Variants in DPYD observed in about 807,000 individuals in gnomAD.
DPYD encodes the protein dihydropyrimidine dehydrogenase, also known as dihydropyrimidine dehydrogenase [NADP(+)].
DPYD carries 109 observed loss-of-function variants against 116.2 expected under a neutral mutation model. The ratio of observed to expected loss-of-function variants is 0.94; its 90% CI spans 0.80 to 1.10. The LOEUF is 1.10. DPYD is among the 50% of genes least tolerant of loss of function. The pLI is 0.00. For missense variants in DPYD, 1,302 were observed against 1,254.5 expected, an observed-to-expected ratio of 1.04 and a Z score of -0.57; for synonymous variants, 440 against 432.0, an observed-to-expected ratio of 1.02 and a Z score of -0.23.
intron 13 of DPYD, among the ~76,000 whole-genome samples, chr1:97,483,349 A>C (rs533721798): frequency 5.5e-4 from 84 of 152,180 alleles, no homozygotes; most frequent in Non-Finnish European, 1.1e-3. Flanking sequence ...GGCTCATGGA[A>C]GGTAAATGTA....
chr1:97,841,661 G>A (rs1024168264), intron 2 of DPYD, among the ~76,000 whole-genome samples: 5 of 151,864 alleles, frequency 3.3e-5, no homozygotes, highest in South Asian at 4.1e-4. Context: ...GAACCTGACA[G>A]GATCATAGAA....
At chr1:97,581,566 A>C (rs2102212038) in intron 10 of DPYD, among the ~76,000 whole-genome samples, 1 of 150,574 alleles carries the variant, frequency 6.6e-6, no homozygotes, top group Middle Eastern at 3.5e-3. Context: ...AAATAGAGAA[A>C]CCTCATCTCT....
intron 12 of DPYD, among the ~76,000 whole-genome samples, chr1:97,521,282 G>C (rs536711446): frequency 4.7e-4 from 72 of 152,182 alleles, no homozygotes; most frequent in African/African-American, 1.7e-3. Context: ...TTCAAACAGA[G>C]AGCCAAGTCA....
rs1055469270 is a variant in DPYD at position 97,897,937 on chromosome 1, T to C, written c.40-14563A>G. Among the ~76,000 whole-genome samples, 6 of 151,870 alleles carry C rather than the reference T, an allele frequency of 4.0e-5. No individual in the cohort carries two copies. In the South Asian group the frequency reaches 6.2e-4, roughly 16 times the overall value. ...TGTGAATTTTACCATATTGGGTACA[T>C]GATATTTTCGCATTCCTATAAATGT... On this transcript the variant is annotated intron_variant, in intron 1 of 22. Transcript: ENST00000370192.
chr1:97,866,644 G>A (rs1459629402), intron 2 of DPYD, among the ~76,000 whole-genome samples: 3 of 151,824 alleles, frequency 2.0e-5, no homozygotes, highest in Admixed American at 6.6e-5. Context: ...AGATAGAGAT[G>A]ATAATAAATT....
intron 13 of DPYD, among the ~76,000 whole-genome samples, chr1:97,478,611 T>C (rs1253864266): frequency 6.6e-6 from 1 of 152,214 alleles, no homozygotes; most frequent in Non-Finnish European, 1.5e-5. Context: ...TTAAGGGCCC[T>C]AGGACCTTCC....
intron 13 of DPYD, among the ~76,000 whole-genome samples, chr1:97,476,827 A>G (rs1677993955): frequency 1.3e-5 from 2 of 152,228 alleles, no homozygotes; most frequent in South Asian, 4.1e-4. Context: ...GAATATTGCA[A>G]TAAAGTGAAT....
chr1:97,131,385 A>G (rs938481985), intron 20 of DPYD, among the ~76,000 whole-genome samples: 1 of 152,178 alleles, frequency 6.6e-6, no homozygotes, highest in Non-Finnish European at 1.5e-5. Context: ...TCATGCATGT[A>G]ATAATACCCA....
intron 8 of DPYD, among the ~76,000 whole-genome samples, chr1:97,610,162 A>G (rs1244150297): frequency 6.6e-6 from 1 of 152,016 alleles, no homozygotes; most frequent in African/African-American, 2.4e-5. Flanking sequence ...ACAAATTTAA[A>G]CTATAACTGT....
chr1:97,433,956 A>G (rs898951381), intron 14 of DPYD, among the ~76,000 whole-genome samples: 3 of 152,020 alleles, frequency 2.0e-5, no homozygotes, highest in Non-Finnish European at 4.4e-5. Flanking sequence ...CCAGCCTTTA[A>G]TTGTGTTCAT....
chr1:97,492,823 C>A lies in DPYD; in HGVS notation c.1740+22903G>T, dbSNP rs545904538. Among the ~76,000 whole-genome samples, 15 of 152,010 alleles carry A rather than the reference C, an allele frequency of 9.9e-5. No homozygotes were observed. The South Asian group carries it at 3.1e-3, about 32-fold the overall frequency. On this transcript the variant is annotated intron_variant, in intron 13 of 22. Transcript: ENST00000370192. ...TGGGTATCAAATTACCTTTGAAACC[C>A]CCCACCCAGAAGTATCTCTAACAAA...
At chr1:97,418,625 A>C (rs1174215166) in intron 14 of DPYD, among the ~76,000 whole-genome samples, 1 of 152,170 alleles carries the variant, frequency 6.6e-6, no homozygotes, top group Non-Finnish European at 1.5e-5. Flanking sequence ...TATTAAAAGT[A>C]TCACACGTTT....
intron 13 of DPYD, among the ~76,000 whole-genome samples, chr1:97,493,307 C>G (rs139772516): frequency 3.2e-4 from 48 of 152,268 alleles, no homozygotes; most frequent in African/African-American, 1.1e-3. Context: ...CTCGTACTAA[C>G]GGTTTTCATA....
At chr1:97,370,143 T>C (rs1671243445) in intron 16 of DPYD, among the ~76,000 whole-genome samples, 1 of 152,154 alleles carries the variant, frequency 6.6e-6, no homozygotes, top group Non-Finnish European at 1.5e-5. Context: ...TACCCAGTAA[T>C]AGGATTGCTG....
chr1:97,457,879 A>C (rs1457342530), intron 13 of DPYD, among the ~76,000 whole-genome samples: 1 of 152,178 alleles, frequency 6.6e-6, no homozygotes, highest in Non-Finnish European at 1.5e-5. Context: ...GCAGCTGTGC[A>C]TTCACGGAGA....
chr1:97,589,499 G>A (rs72732346), intron 10 of DPYD, among the ~76,000 whole-genome samples: 2,819 of 152,162 alleles, frequency 0.019, 37 homozygotes, highest in Middle Eastern at 0.034. Context: ...CTCCATGATC[G>A]TTAAGTTTCC....
intron 2 of DPYD, among the ~76,000 whole-genome samples, chr1:97,873,030 CAACCT>C (rs1671735428): frequency 6.6e-6 from 1 of 151,738 alleles, no homozygotes; most frequent in Non-Finnish European, 1.5e-5. Flanking sequence ...TCAGGGAGGC[CAACCT>C]TGAATTCTGA....
intron 4 of DPYD, among the ~76,000 whole-genome samples, chr1:97,738,074 T>G (rs1194647915): frequency 1.3e-5 from 2 of 152,102 alleles, no homozygotes; most frequent in Non-Finnish European, 2.9e-5. Flanking sequence ...ACTTTAAAAG[T>G]TTTAAGGAGA....
chr1:97,632,723 C>A (rs1030472912), intron 8 of DPYD, among the ~76,000 whole-genome samples: 4 of 152,062 alleles, frequency 2.6e-5, no homozygotes, highest in African/African-American at 7.2e-5. Flanking sequence ...AAATGGTCAA[C>A]AAGGACCTCA....
Sources: allele counts gnomAD v4.1 joint callset (sites outside exome capture counted in the v4.1 genomes callset), GRCh38; gene constraint gnomAD v4.1.1; transcripts MANE v1.5; gene names NCBI Gene and HGNC (gene_info 2026-07-23, HGNC 2026-07-21).